Variants in CCDC192 observed in about 807,000 individuals in gnomAD.
CCDC192 encodes the protein coiled-coil domain containing 192.
At chr5:127,762,319 A>G (rs1281939782) in intron 3 of CCDC192, among the ~76,000 whole-genome samples, 1 of 152,226 alleles carries the variant, frequency 6.6e-6, no homozygotes, top group Non-Finnish European at 1.5e-5. Context: ...AGTTATCAGG[A>G]ACTTCATTAA....
At chr5:127,710,869 A>C (rs183815713) in intron 2 of CCDC192, among the ~76,000 whole-genome samples, 252 of 152,338 alleles carry the variant, frequency 1.7e-3, no homozygotes, top group African/African-American at 5.1e-3. Context: ...GGGATAATCC[A>C]GTAAGACTTT....
At chr5:127,818,078 T>G (rs1174100748) in intron 5 of CCDC192, among the ~76,000 whole-genome samples, 1 of 152,158 alleles carries the variant, frequency 6.6e-6, no homozygotes. Flanking sequence ...CAGCATAGCT[T>G]TTTCCCAAAT....
chr5:127,764,840 G>A (rs1171289173), intron 3 of CCDC192, among the ~76,000 whole-genome samples: 7 of 152,214 alleles, frequency 4.6e-5, no homozygotes, highest in African/African-American at 1.4e-4. Context: ...TGGCCCACGG[G>A]CTGCAGGTTG....
chr5:127,728,475 C>T (rs1429666885), intron 2 of CCDC192, among the ~76,000 whole-genome samples: 1 of 152,118 alleles, frequency 6.6e-6, no homozygotes, highest in Non-Finnish European at 1.5e-5. Flanking sequence ...GAAATAAAAT[C>T]CTTTTCAGAC....
chr5:127,817,650 A>G (rs1749084936), intron 5 of CCDC192, among the ~76,000 whole-genome samples: 1 of 152,170 alleles, frequency 6.6e-6, no homozygotes, highest in African/African-American at 2.4e-5. Context: ...CTGCTAATGG[A>G]TATGAATTTA....
intron 5 of CCDC192, among the ~76,000 whole-genome samples, chr5:127,820,075 A>G (rs1198546281): frequency 6.6e-6 from 1 of 152,180 alleles, no homozygotes. Context: ...AAATGTTCTT[A>G]TTTTGAGCAG....
At chr5:127,745,953 A>G (rs538272717) in intron 2 of CCDC192, among the ~76,000 whole-genome samples, 20 of 152,304 alleles carry the variant, frequency 1.3e-4, no homozygotes, top group African/African-American at 4.8e-4. Flanking sequence ...GAAACCACAT[A>G]TCCACCTCCC....
chr5:127,903,581 A>G (rs1462248446), intron 6 of CCDC192, among the ~76,000 whole-genome samples: 1 of 152,142 alleles, frequency 6.6e-6, no homozygotes, highest in Non-Finnish European at 1.5e-5. Context: ...TGGCTGGATG[A>G]TGAAAAGTTT....
At chr5:127,910,811 AG>A (rs1354104268) in intron 6 of CCDC192, among the ~76,000 whole-genome samples, 2 of 152,228 alleles carry the variant, frequency 1.3e-5, no homozygotes, top group African/African-American at 4.8e-5. Flanking sequence ...CATGGGGAAT[AG>A]GCCTTTGAGG....
chr5:127,870,546 T>G (rs140708158), intron 5 of CCDC192, among the ~76,000 whole-genome samples: 18 of 152,330 alleles, frequency 1.2e-4, no homozygotes, highest in African/African-American at 4.3e-4. Flanking sequence ...AAGGATTAGG[T>G]CCAGCTGAAC....
At chr5:127,839,765 C>T (rs979106919) in intron 5 of CCDC192, among the ~76,000 whole-genome samples, 3 of 151,808 alleles carry the variant, frequency 2.0e-5, no homozygotes, top group African/African-American at 4.8e-5. Flanking sequence ...TACTGTATTT[C>T]ATCACACTAA....
intron 3 of CCDC192, among the ~76,000 whole-genome samples, chr5:127,766,832 C>G (rs1472073490): frequency 6.6e-6 from 1 of 152,124 alleles, no homozygotes; most frequent in African/African-American, 2.4e-5. Flanking sequence ...CACACACTCT[C>G]TAAAGAAGCA....
At chr5:127,704,165 A>G (rs1025023342) in intron 1 of CCDC192, among the ~76,000 whole-genome samples, 3 of 152,114 alleles carry the variant, frequency 2.0e-5, no homozygotes, top group Admixed American at 6.6e-5. Context: ...ACATGCAACC[A>G]TGGTTCTGCT....
chr5:127,902,527 G>C (rs891551460), intron 6 of CCDC192, among the ~76,000 whole-genome samples: 1 of 151,956 alleles, frequency 6.6e-6, no homozygotes, highest in South Asian at 2.1e-4. Context: ...CATCACCCCC[G>C]GTTTTCACAT....
chr5:127,802,753 C>T (rs547419177), intron 5 of CCDC192, among the ~76,000 whole-genome samples: 4 of 152,168 alleles, frequency 2.6e-5, no homozygotes, highest in African/African-American at 7.2e-5. Context: ...ATTCCTCCCA[C>T]AGTGTCTGGC....
chr5:127,782,888 A>G (rs979804336), intron 3 of CCDC192, among the ~76,000 whole-genome samples: 1 of 151,266 alleles, frequency 6.6e-6, no homozygotes, highest in Non-Finnish European at 1.5e-5. Context: ...TAGTTCCTTG[A>G]GGTGTGACCA....
rs530573675 is a variant in CCDC192, at chr5:127,861,373, G to T, written c.412-14165G>T. 2.3e-3 allele frequency among the ~76,000 whole-genome samples: 354 copies of T among 151,386 alleles called. 2 individuals are homozygous for T. Among genetic ancestry groups the T allele is most frequent in the Non-Finnish European group, 4.1e-3 (278 of 67,810 alleles). On this transcript the variant is annotated intron_variant, in intron 5 of 6. Coordinates refer to ENST00000514853, the MANE Select transcript of CCDC192 (RefSeq NM_001317938.2). ...TAAGCTAAAAAAAAAAAAAATGCCTGGCCGGGCACAGTGGCTCATGCCTGT... is the reference window on the plus strand; with the variant it reads ...TAAGCTAAAAAAAAAAAAAATGCCTTGCCGGGCACAGTGGCTCATGCCTGT...
chr5:127,736,454 A>C (rs1227105226), intron 2 of CCDC192, among the ~76,000 whole-genome samples: 1 of 151,932 alleles, frequency 6.6e-6, no homozygotes, highest in Non-Finnish European at 1.5e-5. Flanking sequence ...AAAAAGGGTT[A>C]GGGAGGATTC....
intron 3 of CCDC192, among the ~76,000 whole-genome samples, chr5:127,782,378 C>G (rs541637335): frequency 4.0e-5 from 6 of 151,864 alleles, no homozygotes; most frequent in Non-Finnish European, 8.8e-5. Flanking sequence ...GTTGGAATAG[C>G]GTCAATAGGA....
Sources: gnomAD v4.1 joint callset for allele counts (sites outside exome capture counted in the v4.1 genomes callset) on GRCh38, gnomAD v4.1.1 for gene constraint, MANE v1.5 for transcripts, NCBI Gene and HGNC (gene_info 2026-07-23, HGNC 2026-07-21) for gene names.